PTPN1: variants seen among roughly 807,000 people sequenced by gnomAD.
The protein encoded by PTPN1 is protein tyrosine phosphatase non-receptor type 1, also known as tyrosine-protein phosphatase non-receptor type 1.
In PTPN1, 12 loss-of-function variants were observed where a neutral mutation model predicts 59.9. The observed-to-expected ratio is 0.20, with a 90% CI of 0.13 to 0.32. The LOEUF is 0.32. Among genes scored for constraint, PTPN1 ranks in the 10% least tolerant of loss-of-function variants. The probability of loss-of-function intolerance (pLI) is 1.00; values close to 1 mark genes in which losing one functional copy is unlikely to be tolerated. For missense variants in PTPN1, 356 were observed against 549.2 expected, an observed-to-expected ratio of 0.65 and a Z score of 3.52; for synonymous variants, 178 against 203.6, an observed-to-expected ratio of 0.87 and a Z score of 1.07.
At chr20:50,521,006 A>G (rs2082548770) in intron 1 of PTPN1, among the ~76,000 whole-genome samples, 1 of 152,224 alleles carries the variant, frequency 6.6e-6, no homozygotes, top group South Asian at 2.1e-4. Flanking sequence ...TACTCATGCT[A>G]GATATGGTAG....
At chr20:50,562,657 G>A (rs2082758581) in intron 2 of PTPN1, among the ~76,000 whole-genome samples, 1 of 152,178 alleles carries the variant, frequency 6.6e-6, no homozygotes, top group Admixed American at 6.5e-5. Flanking sequence ...AGGTCATCAG[G>A]TGACATGATT....
intron 1 of PTPN1, among the ~76,000 whole-genome samples, chr20:50,512,243 C>G (rs1164694833): frequency 6.6e-6 from 1 of 152,146 alleles, no homozygotes; most frequent in African/African-American, 2.4e-5. Flanking sequence ...TCTAAAATGT[C>G]TTTAAATGAA....
intron 1 of PTPN1, among the ~76,000 whole-genome samples, chr20:50,540,640 C>G (rs762812319): frequency 6.6e-6 from 1 of 152,156 alleles, no homozygotes; most frequent in Non-Finnish European, 1.5e-5. Context: ...CAAGTACCAC[C>G]TATACTTTGG....
intron 1 of PTPN1, among the ~76,000 whole-genome samples, chr20:50,529,544 C>G (rs987570039): frequency 2.6e-5 from 4 of 152,174 alleles, no homozygotes; most frequent in African/African-American, 9.7e-5. Context: ...AAGTTTATAG[C>G]AAAAGTTCTG....
rs2082878557 is a variant in PTPN1 at position 50,583,234 on chromosome 20, A to T, written c.*519A>T. 6.4e-6 allele frequency: 1 copy of T among 156,856 alleles called. No individual in the cohort carries two copies. The allele number at this position is 156,856 out of a possible 1,614,324, so 9.7% of individuals were successfully genotyped here. On this transcript the variant is annotated 3_prime_UTR_variant, in exon 10 of 10. Transcript: ENST00000371621. ...AAGGGCTTTATCAAAAAGTACAATA[A>T]TAAATCCTCAGGTAGTACTGGGAAT...
chr20:50,536,950 C>G (rs1458675197), intron 1 of PTPN1, among the ~76,000 whole-genome samples: 2 of 152,130 alleles, frequency 1.3e-5, no homozygotes, highest in Admixed American at 6.5e-5. Context: ...GCACTCTAAA[C>G]ATTTTGATCT....
At chr20:50,563,409 A>G (rs2082762472) in intron 2 of PTPN1, among the ~76,000 whole-genome samples, 2 of 152,190 alleles carry the variant, frequency 1.3e-5, no homozygotes. Flanking sequence ...GACTCTTCCC[A>G]CAACCCTCTT....
chr20:50,576,810 G>C (rs2082839187), intron 5 of PTPN1, among the ~76,000 whole-genome samples: 1 of 152,114 alleles, frequency 6.6e-6, no homozygotes. Context: ...AGGAGGCGGA[G>C]GTTGCATTGA....
At chr20:50,563,529 G>A (rs561094040) in intron 2 of PTPN1, among the ~76,000 whole-genome samples, 90 of 152,206 alleles carry the variant, frequency 5.9e-4, no homozygotes, top group Non-Finnish European at 1.1e-3. Flanking sequence ...ATACCATTAT[G>A]TAATTTTTGA....
chr20:50,522,816 C>T (rs910282803), intron 1 of PTPN1, among the ~76,000 whole-genome samples: 27 of 152,104 alleles, frequency 1.8e-4, no homozygotes, highest in Admixed American at 6.5e-5. Flanking sequence ...TGCAATGGCA[C>T]GATCTCAGCT....
chr20:50,581,480 C>T lies in PTPN1; in HGVS notation c.1284+20C>T, dbSNP rs781502713. 48 of 1,584,180 alleles carry T rather than the reference C, an allele frequency of 3.0e-5. No individual in the cohort carries two copies. The highest frequency in any genetic ancestry group is 4.0e-5 in the African/African-American group (3 of 74,440). On this transcript the variant is annotated intron_variant, in intron 9 of 9. Coordinates refer to ENST00000371621, the MANE Select transcript of PTPN1 (RefSeq NM_002827.4). ...TACAGGGTATGTTTCCACTGACAGACGCGCTGGCGAGATGCTCGTGTGCAG... is the reference window on the plus strand; with the variant it reads ...TACAGGGTATGTTTCCACTGACAGATGCGCTGGCGAGATGCTCGTGTGCAG...
intron 4 of PTPN1, among the ~76,000 whole-genome samples, chr20:50,570,613 T>G (rs2082803481): frequency 6.6e-6 from 1 of 152,190 alleles, no homozygotes; most frequent in South Asian, 2.1e-4. Context: ...ACACACTGTC[T>G]TAGAGGGAAG....
At chr20:50,524,842 T>G (rs552599393) in intron 1 of PTPN1, among the ~76,000 whole-genome samples, 1 of 152,212 alleles carries the variant, frequency 6.6e-6, no homozygotes, top group African/African-American at 2.4e-5. Context: ...CCCAAAGTGC[T>G]GGGATTACAG....
At chr20:50,575,991 G>C (rs983573419) in intron 5 of PTPN1, among the ~76,000 whole-genome samples, 63 of 152,270 alleles carry the variant, frequency 4.1e-4, no homozygotes, top group African/African-American at 1.4e-3. Flanking sequence ...TTACCAGGAC[G>C]TAGGCAAGGG....
chr20:50,521,517 G>T (rs1433190223), intron 1 of PTPN1, among the ~76,000 whole-genome samples: 1 of 152,176 alleles, frequency 6.6e-6, no homozygotes, highest in Non-Finnish European at 1.5e-5. Context: ...ATGGCAGTGT[G>T]GCCACTGCTT....
chr20:50,532,560 G>A (rs934992909), intron 1 of PTPN1, among the ~76,000 whole-genome samples: 2 of 152,152 alleles, frequency 1.3e-5, no homozygotes, highest in African/African-American at 4.8e-5. Flanking sequence ...AAATGAGTCC[G>A]TAGAACCTAT....
intron 1 of PTPN1, 116 bp downstream of exon 1, chr20:50,510,706 T>C (rs1555825874): frequency 1.8e-6 from 2 of 1,118,260 alleles, no homozygotes; most frequent in South Asian, 3.3e-5. Context: ...CTCCTACTGC[T>C]TGAGGATTCG....
rs16995304 is a variant in PTPN1, at chr20:50,581,317, G to A, written c.1141G>A (p.Gly381Ser). ...TCGGGTCGTGGGGGGAAGTCTTCGA[G>A]GTGCCCAGGCTGCCTCCCCAGCCAA... is the stretch of plus-strand genomic sequence containing the variant. ...RSRVVGGSLR[G>S]AQAASPAKGE... Residue 381 changes from glycine to serine, a missense_variant, in exon 9 of 10, where the codon GGT (glycine) becomes AGT (serine). Gly to Ser is a moderately conservative substitution (Grantham distance 56). This residue lies in a region of PTPN1 where 62 missense variants were observed against 97.2 expected (regional missense o/e 0.64). Coordinates refer to ENST00000371621, the MANE Select transcript of PTPN1 (RefSeq NM_002827.4). The A allele has an allele frequency of 2.2e-3, 3,526 of 1,613,812 alleles. 7 individuals are homozygous for A. Among genetic ancestry groups the A allele is most frequent in the Non-Finnish European group, 2.7e-3 (3,179 of 1,179,710 alleles).
chr20:50,566,953 C>A (rs1230771527), intron 3 of PTPN1, among the ~76,000 whole-genome samples: 2 of 152,236 alleles, frequency 1.3e-5, no homozygotes, highest in East Asian at 3.9e-4. Flanking sequence ...TATCTGTTCA[C>A]TGGGGAGGGA....
Sources: allele counts gnomAD v4.1 joint callset (sites outside exome capture counted in the v4.1 genomes callset), GRCh38; gene constraint gnomAD v4.1.1; regional missense constraint gnomAD v4.1.1; transcripts MANE v1.5; gene names NCBI Gene and HGNC (gene_info 2026-07-23, HGNC 2026-07-21).